The following RBM25 variants were observed in gnomAD, a reference collection of about 807,000 sequenced individuals.
RBM25 encodes RNA binding motif protein 25, also known as RNA-binding protein 25.
In RBM25, 19 loss-of-function variants were observed where a neutral mutation model predicts 120.7. That is an observed-to-expected ratio of 0.16 (90% CI 0.11 to 0.23). The LOEUF is 0.23. Ranked by LOEUF, RBM25 falls within the 10% of genes least tolerant of loss-of-function variation. RBM25 has a pLI of 1.00. For missense variants in RBM25, 605 were observed against 1,041.5 expected (o/e 0.58, Z 5.77); for synonymous variants, 390 against 326.7 (o/e 1.19, Z -2.09).
intron 14 of RBM25, among the ~76,000 whole-genome samples, chr14:73,110,085 A>C (rs1896277898): frequency 6.6e-6 from 1 of 151,232 alleles, no homozygotes; most frequent in East Asian, 2.0e-4. Context: ...GGGTTTTACC[A>C]TGTTGGCCAG....
chr14:73,111,754 C>A lies in RBM25; in HGVS notation c.2244C>A (p.Ala748=). The A allele has an allele frequency of 6.2e-7, 1 of 1,612,884 alleles. No homozygotes were observed. The highest frequency in any genetic ancestry group is 8.5e-7 in the Non-Finnish European group (1 of 1,179,708). The change falls in exon 16 of 19, where the codon GCC becomes GCA. Residue 748 remains alanine (A), a synonymous_variant. Transcript: ENST00000261973. The part of the protein sequence containing the change: ...IKSLIEKIPT[A]KPELFAYPLD... ...GTCTCATTGAGAAAATCCCTACAGC[C>A]AAACCTGAGCTCTTCGCTTATCCCC...
intron 17 of RBM25, among the ~76,000 whole-genome samples, chr14:73,112,728 T>C (rs1232852847): frequency 6.6e-6 from 1 of 152,216 alleles, no homozygotes; most frequent in Admixed American, 6.5e-5. Context: ...TCAGTGTTTA[T>C]TGACTGACAG....
chr14:73,072,924 CGT>C (rs1444909021), intron 2 of RBM25, among the ~76,000 whole-genome samples: 2 of 151,604 alleles, frequency 1.3e-5, no homozygotes, highest in African/African-American at 4.8e-5. Context: ...TTTGTGTGTG[CGT>C]GTGTGTGTAT....
chr14:73,101,402 C>T (rs949303837), intron 9 of RBM25: 1 of 152,128 alleles, frequency 6.6e-6, no homozygotes, highest in African/African-American at 2.4e-5. Context: ...GTCCTTTCCT[C>T]TTCATGACTT....
In RBM25 at chr14:73,106,262, G is replaced by C. The variant is rs1436578972; in HGVS notation, c.1444G>C (p.Glu482Gln). ...TREYEKEAER[E>Q]EERRREMAKE... ...GGAATATGAGAAAGAAGCTGAAAGA[G>C]AAGAAGAAAGAAGAAGAGAAATGGT... The change falls in exon 12 of 19, where the codon GAA (glutamate) becomes CAA (glutamine). Residue 482 changes from glutamate (E) to glutamine (Q), a missense_variant. Physicochemically the swap from Glu to Gln is conservative, Grantham distance 29. Transcript: ENST00000261973. 1.3e-6 allele frequency: 2 copies of C among 1,593,058 alleles called. No individual in the cohort carries two copies. The highest frequency in any genetic ancestry group is 1.7e-6 in the Non-Finnish European group (2 of 1,173,766).
chr14:73,106,085 A>T lies in RBM25; in HGVS notation c.1377+4A>T, dbSNP rs775382877. ...GAAAGAAGCTGCTTATCAAGAGGTA[A>T]GTTGAGAAAATGCCTTTATTCTTAA... is the stretch of plus-strand genomic sequence containing the variant. On this transcript the variant is annotated splice_donor_region_variant and intron_variant, in intron 11 of 18. Coordinates refer to ENST00000261973, the MANE Select transcript of RBM25 (RefSeq NM_021239.3). 1.2e-6 allele frequency: 2 copies of T among 1,602,218 alleles called. No individual in the cohort carries two copies. Among genetic ancestry groups the T allele is most frequent in the South Asian group, 2.3e-5 (2 of 88,504 alleles).
Position 73,111,617 on chromosome 14 carries a change from A to G in RBM25, c.2107A>G (p.Ser703Gly), listed in dbSNP as rs1447573869. ...SVFNKFEDED[S>G]DDVPRKRKLV... ...CTTTAACAAATTTGAGGATGAAGACAGTGATGACGTACCCCGAAAAAGGAA... is the reference window on the plus strand; with the variant it reads ...CTTTAACAAATTTGAGGATGAAGACGGTGATGACGTACCCCGAAAAAGGAA... Residue 703 changes from serine to glycine, a missense_variant, in exon 16 of 19, where the codon AGT becomes GGT. By Grantham distance (56) the Ser-to-Gly change is moderately conservative (BLOSUM62 0). Coordinates refer to ENST00000261973, the MANE Select transcript of RBM25 (RefSeq NM_021239.3). The G allele has an allele frequency of 1.2e-6, 2 of 1,614,178 alleles. No individual in the cohort carries two copies. Among genetic ancestry groups the G allele is most frequent in the South Asian group, 1.1e-5 (1 of 91,076 alleles).
At chr14:73,070,379 A>G (rs1371446649) in intron 1 of RBM25, among the ~76,000 whole-genome samples, 1 of 152,154 alleles carries the variant, frequency 6.6e-6, no homozygotes, top group Non-Finnish European at 1.5e-5. Context: ...TTAAAAAATC[A>G]AATGCTAGCT....
intron 8 of RBM25, 95 bp from the exon 9 acceptor site, chr14:73,099,572 C>T: frequency 1.3e-6 from 2 of 1,585,236 alleles, no homozygotes. Flanking sequence ...TACTTATTTA[C>T]TCTTTGAGAC....
chr14:73,076,600 CCTGTTACTATCTAGA>C (rs1895428185), intron 3 of RBM25, among the ~76,000 whole-genome samples: 1 of 152,156 alleles, frequency 6.6e-6, no homozygotes, highest in Non-Finnish European at 1.5e-5. Context: ...CTATGATTTT[CCTGTTACTATCTAGA>C]CTCTTCATAT....
chr14:73,077,875 T>G (rs1057409942), intron 4 of RBM25, among the ~76,000 whole-genome samples: 1 of 152,210 alleles, frequency 6.6e-6, no homozygotes, highest in Non-Finnish European at 1.5e-5. Context: ...ACACATGAAA[T>G]TTGGCCGGGT....
chr14:73,110,794 A>G (rs752724175), intron 14 of RBM25, 37 bp from the exon 15 acceptor site: 3 of 1,570,902 alleles, frequency 1.9e-6, no homozygotes, highest in East Asian at 4.5e-5. Context: ...TGAATGGTGT[A>G]GAGTTGTAGT....
intron 1 of RBM25, among the ~76,000 whole-genome samples, chr14:73,059,053 C>T (rs1167444007): frequency 6.6e-6 from 1 of 152,124 alleles, no homozygotes; most frequent in African/African-American, 2.4e-5. Context: ...CGATCTGCCC[C>T]AGGGGAGCCC....
chr14:73,065,253 T>C (rs1895102263), intron 1 of RBM25, among the ~76,000 whole-genome samples: 1 of 151,620 alleles, frequency 6.6e-6, no homozygotes, highest in African/African-American at 2.4e-5. Context: ...CTTTGCCTCT[T>C]GAGTAGCTGG....
chr14:73,097,042 C>T lies in RBM25; in HGVS notation c.671C>T (p.Ala224Val). 3 of 1,613,518 alleles carry T rather than the reference C, an allele frequency of 1.9e-6. No homozygotes were observed. Among genetic ancestry groups the T allele is most frequent in the Non-Finnish European group, 2.5e-6 (3 of 1,179,818 alleles). The change falls in exon 7 of 19, where the codon GCC becomes GTC. Residue 224 changes from alanine to valine, a missense_variant. This residue lies in a region of RBM25 where 465 missense variants were observed against 741.6 expected (regional missense o/e 0.63). Coordinates refer to ENST00000261973, the MANE Select transcript of RBM25 (RefSeq NM_021239.3). ...LIREYSSELNAPSQESDSHPR... is the reference protein window; with the variant it reads ...LIREYSSELNVPSQESDSHPR... ...CGTGAATACTCCAGTGAGCTAAATG[C>T]CCCCTCACAGGAATCTGATTCTCAC...
chr14:73,068,438 C>T, intron 1 of RBM25: 1 of 682,554 alleles, frequency 1.5e-6, no homozygotes. Context: ...CTTATTCAGA[C>T]TACCAGCTGT....
intron 13 of RBM25, chr14:73,109,059 G>T: frequency 5.3e-6 from 1 of 188,672 alleles, no homozygotes. Flanking sequence ...GGCACAAAGT[G>T]TGAGCTCTCT....
chr14:73,071,422 C>T (rs960465669), intron 1 of RBM25, among the ~76,000 whole-genome samples: 1 of 151,986 alleles, frequency 6.6e-6, no homozygotes, highest in Non-Finnish European at 1.5e-5. Flanking sequence ...CTGTCCTGAA[C>T]TTCGATCATG....
In RBM25 at chr14:73,071,879, G is replaced by T. The variant is rs868156992; in HGVS notation, c.106+132G>T. ...TCAGCGTTGTTTGGGAAATGTGGAT[G>T]TCTCTTTTTCCTATAGCAGTAGCTT... On this transcript the variant is annotated intron_variant, in intron 2 of 18. Coordinates refer to ENST00000261973, the MANE Select transcript of RBM25 (RefSeq NM_021239.3). The T allele has an allele frequency of 5.5e-5, 37 of 676,304 alleles. No individual in the cohort carries two copies. The Middle Eastern group carries it at 2.1e-3, about 38-fold the overall frequency. The allele number at this position is 676,304 out of a possible 1,614,324, so 41.9% of individuals were successfully genotyped here.
Sources: allele counts gnomAD v4.1 joint callset (sites outside exome capture counted in the v4.1 genomes callset), GRCh38; gene constraint gnomAD v4.1.1; regional missense constraint gnomAD v4.1.1; transcripts MANE v1.5; gene names NCBI Gene and HGNC (gene_info 2026-07-23, HGNC 2026-07-21).